Variants in MARCHF7 observed in about 807,000 individuals in gnomAD.
The protein encoded by MARCHF7 is membrane associated ring-CH-type finger 7.
MARCHF7 carries 20 observed loss-of-function variants against 76.5 expected under a neutral mutation model. That is an observed-to-expected ratio of 0.26 (90% CI 0.18 to 0.38). The LOEUF is 0.38. MARCHF7 is among the 10% of genes least tolerant of loss of function. MARCHF7 has a pLI of 1.00. For synonymous variants in MARCHF7, 295 were observed against 293.0 expected, an observed-to-expected ratio of 1.01 and a Z score of -0.07; for missense variants, 797 against 812.9, an observed-to-expected ratio of 0.98 and a Z score of 0.24.
At chr2:159,716,318 T>C (rs2125263893) in intron 3 of MARCHF7, among the ~76,000 whole-genome samples, 1 of 152,058 alleles carries the variant, frequency 6.6e-6, no homozygotes, top group East Asian at 1.9e-4. Flanking sequence ...AATGAAATAG[T>C]AACTGCGTGT....
chr2:159,748,988 T>TC, intron 7 of MARCHF7, 85 bp downstream of exon 7: 1 of 1,274,780 alleles, frequency 7.8e-7, no homozygotes, highest in Non-Finnish European at 1.0e-6. Context: ...CTTTTTTTTT[T>TC]TTTTTTTTGA....
intron 3 of MARCHF7, among the ~76,000 whole-genome samples, chr2:159,719,994 A>G (rs1257070614): frequency 2.6e-5 from 4 of 152,034 alleles, no homozygotes; most frequent in African/African-American, 9.7e-5. Flanking sequence ...AGTGCTTAGT[A>G]TGAGGCCAAG....
chr2:159,745,734 C>G, intron 5 of MARCHF7, 36 bp from the exon 6 acceptor site: 1 of 1,483,290 alleles, frequency 6.7e-7, no homozygotes, highest in Non-Finnish European at 9.2e-7. Context: ...GCCTTGAAAG[C>G]TTTCTCTGAA....
intron 8 of MARCHF7, 132 bp downstream of exon 8, chr2:159,752,703 A>AG: frequency 2.4e-6 from 2 of 824,974 alleles, no homozygotes; most frequent in Admixed American, 6.9e-5. Context: ...AAGTCTCAGC[A>AG]GAAGCATTAA....
intron 4 of MARCHF7, among the ~76,000 whole-genome samples, chr2:159,731,192 C>A (rs190349068): frequency 6.6e-6 from 1 of 152,126 alleles, no homozygotes; most frequent in Non-Finnish European, 1.5e-5. Flanking sequence ...TGCACCTGGC[C>A]GACATCTTTT....
intron 10 of MARCHF7, 94 bp from the exon 11 acceptor site, chr2:159,764,516 TTAAACTGATGTTTGAC>T: frequency 1.3e-6 from 1 of 743,436 alleles, no homozygotes; most frequent in Non-Finnish European, 2.1e-6. Context: ...ATTTAAAGGC[TTAAACTGATGTTTGAC>T]TTTTTAAGTA....
At chr2:159,726,420 G>A (rs894039836) in intron 3 of MARCHF7, among the ~76,000 whole-genome samples, 4 of 151,994 alleles carry the variant, frequency 2.6e-5, no homozygotes, top group Admixed American at 2.6e-4. Context: ...CCGCTACCAC[G>A]GCCGGCTAAT....
intron 3 of MARCHF7, among the ~76,000 whole-genome samples, chr2:159,727,230 G>A (rs1036326153): frequency 3.9e-5 from 6 of 152,206 alleles, no homozygotes; most frequent in Non-Finnish European, 7.3e-5. Flanking sequence ...GACAAATATT[G>A]TATGATTCCA....
rs1707973069 is a variant in MARCHF7, at chr2:159,767,905, C to T, written c.*563C>T. On this transcript the variant is annotated 3_prime_UTR_variant, in exon 12 of 12. Transcript: ENST00000409175. ...TAAGTTTCCAAATTTAATTTGAATT[C>T]CAAATTCACCTAGCAATAAAATCTA... The T allele has an allele frequency of 6.6e-6, 1 of 152,124 alleles. No homozygotes were observed. Among genetic ancestry groups the T allele is most frequent in the Non-Finnish European group, 1.5e-5 (1 of 67,900 alleles). The allele number at this position is 152,124 out of a possible 1,614,324, so 9.4% of individuals were successfully genotyped here.
chr2:159,761,339 T>A (rs1032270536), intron 9 of MARCHF7, among the ~76,000 whole-genome samples: 12 of 150,248 alleles, frequency 8.0e-5, no homozygotes, highest in South Asian at 2.1e-4. Context: ...TAAAATTTTT[T>A]AAAAATGTTC....
intron 3 of MARCHF7, among the ~76,000 whole-genome samples, chr2:159,721,983 A>G (rs752962599): frequency 6.6e-6 from 1 of 152,194 alleles, no homozygotes; most frequent in Non-Finnish European, 1.5e-5. Flanking sequence ...AAAAAGCATG[A>G]CATAGTGACA....
At chr2:159,766,657 A>G (rs1290862616) in intron 11 of MARCHF7, among the ~76,000 whole-genome samples, 1 of 152,150 alleles carries the variant, frequency 6.6e-6, no homozygotes, top group African/African-American at 2.4e-5. Flanking sequence ...AAATGTTGCA[A>G]AAGTGGTAAG....
rs912210543 is a variant in MARCHF7, at chr2:159,769,600, C to A, written c.*2258C>A. ...GGCGGAGATTGGAGAGAGCCAAGAT[C>A]GAGCCACTGCACTGTAGCCTGGGCA... On this transcript the variant is annotated 3_prime_UTR_variant, in exon 12 of 12. Coordinates refer to ENST00000409175, the MANE Select transcript of MARCHF7 (RefSeq NM_001282805.2). The A allele has an allele frequency of 2.6e-5, 4 of 151,910 alleles. No individual in the cohort carries two copies. The highest frequency in any genetic ancestry group is 7.3e-5 in the African/African-American group (3 of 41,296). The allele number at this position is 151,910 out of a possible 1,614,324, so 9.4% of individuals were successfully genotyped here.
At position 159,747,957 on chromosome 2, in the gene MARCHF7, A is replaced by G; in HGVS notation, c.667A>G (p.Arg223Gly). The change falls in exon 7 of 12, where the codon AGA becomes GGA. Residue 223 changes from arginine (R) to glycine (G), a missense_variant. By Grantham distance (125) the Arg-to-Gly change is moderately radical. Around this residue, in one of 3 missense-constraint regions of MARCHF7, gnomAD observed 643 missense variants for 631.5 expected, o/e 1.02. Coordinates refer to ENST00000409175, the MANE Select transcript of MARCHF7 (RefSeq NM_001282805.2). ...TTCTAGGGACTCCAGAAATTCTTTA[A>G]GATCAAATTTTTCTTCAAGAGAATC... is the stretch of plus-strand genomic sequence containing the variant. ...LSSRDSRNSLRSNFSSRESES... is the reference protein window; with the variant it reads ...LSSRDSRNSLGSNFSSRESES... 5 of 1,614,066 alleles carry G rather than the reference A, an allele frequency of 3.1e-6. No individual in the cohort carries two copies. Among genetic ancestry groups the G allele is most frequent in the Non-Finnish European group, 3.4e-6 (4 of 1,179,994 alleles).
intron 4 of MARCHF7, among the ~76,000 whole-genome samples, chr2:159,732,420 A>T (rs34795915): frequency 0.35 from 52,484 of 151,944 alleles, 9,264 homozygotes; most frequent in South Asian, 0.44. Flanking sequence ...TTTTAATGGT[A>T]TGGGAGCAGT....
intron 7 of MARCHF7, among the ~76,000 whole-genome samples, chr2:159,750,037 G>A (rs147858991): frequency 6.6e-6 from 1 of 152,216 alleles, no homozygotes; most frequent in East Asian, 1.9e-4. Flanking sequence ...AATAATTTTT[G>A]TGTTTGAAGT....
intron 8 of MARCHF7, among the ~76,000 whole-genome samples, chr2:159,754,880 G>A (rs1283189326): frequency 6.6e-6 from 1 of 152,088 alleles, no homozygotes; most frequent in African/African-American, 2.4e-5. Flanking sequence ...TGAGGTGTGA[G>A]GAAAATAACA....
At chr2:159,725,659 G>A (rs538841845) in intron 3 of MARCHF7, among the ~76,000 whole-genome samples, 57 of 152,218 alleles carry the variant, frequency 3.7e-4, no homozygotes, top group Non-Finnish European at 6.9e-4. Context: ...ATAGAAATAA[G>A]CCCCTTTCCC....
At chr2:159,727,596 A>G (rs1476203631) in intron 3 of MARCHF7, among the ~76,000 whole-genome samples, 1 of 152,220 alleles carries the variant, frequency 6.6e-6, no homozygotes, top group Non-Finnish European at 1.5e-5. Context: ...TCAGAAAAAA[A>G]AAGCTTTTTA....
Sources: gnomAD v4.1 joint callset for allele counts (sites outside exome capture counted in the v4.1 genomes callset) on GRCh38, gnomAD v4.1.1 for gene constraint, gnomAD v4.1.1 regional missense constraint, MANE v1.5 for transcripts, NCBI Gene and HGNC (gene_info 2026-07-23, HGNC 2026-07-21) for gene names.